Variants in KLF12 observed in about 807,000 individuals in gnomAD.
The protein encoded by KLF12 is KLF transcription factor 12, also known as Krueppel-like factor 12.
A neutral mutation model predicts 37.8 loss-of-function variants in KLF12; 9 were observed. The observed-to-expected ratio is 0.24, with a 90% CI of 0.14 to 0.42. KLF12 has a LOEUF of 0.42. Among genes scored for constraint, KLF12 ranks in the 10% least tolerant of loss-of-function variants. The pLI is 1.00. For missense variants in KLF12, 411 were observed against 516.0 expected (o/e 0.80, Z 1.97); for synonymous variants, 208 against 202.1 (o/e 1.03, Z -0.25).
intron 1 of KLF12, among the ~76,000 whole-genome samples, chr13:74,040,283 C>G (rs1356292379): frequency 1.3e-5 from 2 of 152,148 alleles, no homozygotes; most frequent in Non-Finnish European, 2.9e-5. Flanking sequence ...TCAACAGTCA[C>G]AGACAGACAG....
At chr13:74,077,023 C>T (rs1345575046) in intron 1 of KLF12, among the ~76,000 whole-genome samples, 1 of 152,218 alleles carries the variant, frequency 6.6e-6, no homozygotes, top group African/African-American at 2.4e-5. Flanking sequence ...ATATGTACCA[C>T]ATTTTCCTTA....
intron 3 of KLF12, among the ~76,000 whole-genome samples, chr13:73,849,242 T>C (rs140766722): frequency 1.5e-3 from 225 of 151,950 alleles, no homozygotes; most frequent in Non-Finnish European, 2.3e-3. Context: ...GCATTGGTTT[T>C]GTGGTGCACA....
chr13:73,710,161 T>C (rs2137642802), intron 7 of KLF12, among the ~76,000 whole-genome samples: 1 of 152,272 alleles, frequency 6.6e-6, no homozygotes, highest in Admixed American at 6.5e-5. Flanking sequence ...AAAGCCATCA[T>C]TAAGGGACAG....
chr13:73,943,423 T>C (rs987629241), intron 3 of KLF12, among the ~76,000 whole-genome samples: 2 of 152,236 alleles, frequency 1.3e-5, no homozygotes, highest in African/African-American at 4.8e-5. Flanking sequence ...TCAGTACCCA[T>C]AAATGAATTC....
the KLF12 span, among the ~76,000 whole-genome samples, chr13:74,294,242 G>T: frequency 6.6e-6 from 1 of 152,240 alleles, no homozygotes; most frequent in East Asian, 1.9e-4. Context: ...TGCACCGATT[G>T]TGTAGTAGGG....
At chr13:73,757,132 T>C (rs2138020038) in intron 6 of KLF12, among the ~76,000 whole-genome samples, 2 of 152,244 alleles carry the variant, frequency 1.3e-5, no homozygotes, top group African/African-American at 4.8e-5. Flanking sequence ...TTGTATCTCA[T>C]AAATTTACAC....
intron 3 of KLF12, among the ~76,000 whole-genome samples, chr13:73,913,263 A>G (rs2139165386): frequency 6.6e-6 from 1 of 152,286 alleles, no homozygotes; most frequent in South Asian, 2.1e-4. Flanking sequence ...TCACTTAGTC[A>G]TCAGTTTGGT....
chr13:74,143,591 T>G, the KLF12 span, among the ~76,000 whole-genome samples: 1 of 152,208 alleles, frequency 6.6e-6, no homozygotes, highest in Admixed American at 6.5e-5. Flanking sequence ...CCTTGCTAAT[T>G]TATTGCAAGT....
chr13:74,094,081 T>C (rs1199097850), intron 1 of KLF12, among the ~76,000 whole-genome samples: 1 of 152,168 alleles, frequency 6.6e-6, no homozygotes, highest in African/African-American at 2.4e-5. Flanking sequence ...CCATTTCAGA[T>C]GGGCAAAAGT....
At chr13:73,989,792 G>C (rs866684337) in intron 2 of KLF12, among the ~76,000 whole-genome samples, 1 of 152,156 alleles carries the variant, frequency 6.6e-6, no homozygotes, top group Non-Finnish European at 1.5e-5. Flanking sequence ...AAAAGCCAGA[G>C]AGAAATGTAA....
At chr13:74,115,824 C>T (rs1327631854) in intron 1 of KLF12, among the ~76,000 whole-genome samples, 1 of 152,054 alleles carries the variant, frequency 6.6e-6, no homozygotes, top group South Asian at 2.1e-4. Flanking sequence ...TTCTTATTGC[C>T]TTCTCCTCCT....
chr13:73,885,120 A>G (rs189375869), intron 3 of KLF12, among the ~76,000 whole-genome samples: 17 of 152,322 alleles, frequency 1.1e-4, no homozygotes, highest in Non-Finnish European at 1.8e-4. Context: ...TGAAATCTCT[A>G]TGTCCAAAGA....
chr13:74,154,406 T>A, the KLF12 span, among the ~76,000 whole-genome samples: 1,582 of 152,224 alleles, frequency 0.01, 28 homozygotes, highest in African/African-American at 0.036. Flanking sequence ...AGCTACATCT[T>A]TGTTCGATTT....
chr13:73,766,814 A>G (rs1423560968), intron 5 of KLF12, among the ~76,000 whole-genome samples: 1 of 152,226 alleles, frequency 6.6e-6, no homozygotes, highest in Admixed American at 6.5e-5. Flanking sequence ...TTTATTGCAT[A>G]TATTAGTGAA....
chr13:74,266,901 C>T, the KLF12 span, among the ~76,000 whole-genome samples: 2 of 152,090 alleles, frequency 1.3e-5, no homozygotes, highest in East Asian at 3.8e-4. Context: ...TAGTCAGAAG[C>T]TTAGAAGTAA....
At chr13:73,700,723 T>G (rs1874491659) in intron 7 of KLF12, among the ~76,000 whole-genome samples, 1 of 152,008 alleles carries the variant, frequency 6.6e-6, no homozygotes, top group African/African-American at 2.4e-5. Context: ...GCCCAGTGCC[T>G]AGTATTTCAT....
intron 4 of KLF12, among the ~76,000 whole-genome samples, chr13:73,835,977 G>A (rs141401926): frequency 2.6e-4 from 40 of 152,078 alleles, no homozygotes; most frequent in African/African-American, 9.4e-4. Flanking sequence ...AGGACTGGGA[G>A]ATATTCCTGG....
chr13:73,934,368 G>A lies in KLF12; in HGVS notation c.123+9613C>T, dbSNP rs146494589. Reference sequence around the variant, plus strand: ...TTCCATAACCCTGTCCTGTGCTGTCGTTACTACTCATTTTCATTCAATATG... The same window carrying A: ...TTCCATAACCCTGTCCTGTGCTGTCATTACTACTCATTTTCATTCAATATG... On this transcript the variant is annotated intron_variant, in intron 3 of 7. Transcript: ENST00000377669. 5.3e-5 allele frequency among the ~76,000 whole-genome samples: 8 copies of A among 152,200 alleles called. No homozygotes were observed. The East Asian group carries it at 5.8e-4, about 11-fold the overall frequency.
intron 2 of KLF12, among the ~76,000 whole-genome samples, chr13:73,972,074 C>G (rs189204961): frequency 5.3e-5 from 8 of 152,108 alleles, no homozygotes; most frequent in Non-Finnish European, 1.2e-4. Flanking sequence ...AAATGCCAAC[C>G]TGTAACAAAT....
Sources: gnomAD v4.1 joint callset for allele counts (sites outside exome capture counted in the v4.1 genomes callset) on GRCh38, gnomAD v4.1.1 for gene constraint, MANE v1.5 for transcripts, NCBI Gene and HGNC (gene_info 2026-07-23, HGNC 2026-07-21) for gene names.